The following STPG2 variants were observed in gnomAD, a reference collection of about 807,000 sequenced individuals.
The protein encoded by STPG2 is sperm-tail PG-rich repeat-containing protein 2.
STPG2 carries 56 observed loss-of-function variants against 54.2 expected under a neutral mutation model. The observed-to-expected ratio is 1.03, with a 90% confidence interval of 0.83 to 1.29. STPG2 has a LOEUF of 1.29. Ranked by LOEUF, STPG2 falls within the 50% of genes most tolerant of loss-of-function variation. The pLI is 0.00. For synonymous variants in STPG2, 200 were observed against 181.8 expected (o/e 1.10, Z -0.81); for missense variants, 596 against 544.9 (o/e 1.09, Z -0.93).
chr4:97,711,770 A>G (rs760385747), intron 10 of STPG2, among the ~76,000 whole-genome samples: 1 of 151,138 alleles, frequency 6.6e-6, no homozygotes, highest in Non-Finnish European at 1.5e-5. Flanking sequence ...CCCAGATCCA[A>G]GCGATTCTCC....
intron 2 of STPG2, among the ~76,000 whole-genome samples, chr4:98,133,866 A>C (rs1377764169): frequency 6.6e-6 from 1 of 152,052 alleles, no homozygotes; most frequent in African/African-American, 2.4e-5. Context: ...TGAAGATATC[A>C]GAGTTATATC....
At chr4:97,634,721 A>C (rs1560695471) in intron 10 of STPG2, among the ~76,000 whole-genome samples, 1 of 152,156 alleles carries the variant, frequency 6.6e-6, no homozygotes, top group Non-Finnish European at 1.5e-5. Flanking sequence ...GATGCAATCA[A>C]CTGGAAGAAA....
chr4:97,974,060 A>C (rs1418513645), intron 6 of STPG2, among the ~76,000 whole-genome samples: 1 of 152,202 alleles, frequency 6.6e-6, no homozygotes, highest in Non-Finnish European at 1.5e-5. Flanking sequence ...GGGAGGCTGT[A>C]TCCTGCAAAG....
intron 7 of STPG2, among the ~76,000 whole-genome samples, chr4:97,962,479 A>G (rs1229652049): frequency 6.6e-6 from 1 of 152,248 alleles, no homozygotes; most frequent in Non-Finnish European, 1.5e-5. Flanking sequence ...ACTGCAATTA[A>G]ACACAAGGTT....
intron 4 of STPG2, among the ~76,000 whole-genome samples, chr4:97,542,438 T>C (rs1731735717): frequency 2.0e-5 from 3 of 152,132 alleles, no homozygotes; most frequent in African/African-American, 7.2e-5. Flanking sequence ...TCACACCAGT[T>C]AGAACTGCGA....
At chr4:97,632,856 A>C (rs1721336932) in intron 10 of STPG2, among the ~76,000 whole-genome samples, 1 of 152,210 alleles carries the variant, frequency 6.6e-6, no homozygotes, top group African/African-American at 2.4e-5. Flanking sequence ...TTAGAAGCTT[A>C]TTAACATGAC....
intron 10 of STPG2, among the ~76,000 whole-genome samples, chr4:97,575,388 C>T (rs1029585442): frequency 1.3e-5 from 2 of 152,038 alleles, no homozygotes; most frequent in African/African-American, 4.8e-5. Context: ...TACTAGCAAA[C>T]CAAATCCAGC....
At chr4:97,497,246 A>C (rs1210097920) in intron 4 of STPG2, among the ~76,000 whole-genome samples, 3 of 151,826 alleles carry the variant, frequency 2.0e-5, no homozygotes, top group Non-Finnish European at 2.9e-5. Context: ...TAATTAGCAA[A>C]ACTCTTGATT....
chr4:98,060,598 G>A (rs10011009), intron 5 of STPG2, among the ~76,000 whole-genome samples: 59,298 of 151,908 alleles, frequency 0.39, 11,785 homozygotes, highest in Middle Eastern at 0.46. Context: ...ACAAGAGCCC[G>A]AATAGCCAAG....
At chr4:97,738,931 C>G (rs959294617) in intron 9 of STPG2, among the ~76,000 whole-genome samples, 1 of 152,182 alleles carries the variant, frequency 6.6e-6, no homozygotes, top group East Asian at 1.9e-4. Flanking sequence ...CACCGCACCA[C>G]ACCTATTCCA....
At chr4:97,812,577 A>G (rs1377482683) in intron 9 of STPG2, among the ~76,000 whole-genome samples, 1 of 152,154 alleles carries the variant, frequency 6.6e-6, no homozygotes, top group African/African-American at 2.4e-5. Context: ...AATTGATTTG[A>G]TTTTGAAAGT....
chr4:98,047,114 T>C (rs116389570), intron 5 of STPG2, among the ~76,000 whole-genome samples: 2,085 of 152,006 alleles, frequency 0.014, 51 homozygotes, highest in African/African-American at 0.047. Flanking sequence ...CCACTAGAAA[T>C]GTTCACACAT....
chr4:97,652,230 T>A (rs1047176469), intron 10 of STPG2, among the ~76,000 whole-genome samples: 1 of 151,930 alleles, frequency 6.6e-6, no homozygotes, highest in East Asian at 1.9e-4. Context: ...GAAAAGACAG[T>A]TAAAAGTGCT....
intron 10 of STPG2, among the ~76,000 whole-genome samples, chr4:97,567,559 T>A (rs969892811): frequency 1.3e-5 from 2 of 151,652 alleles, no homozygotes; most frequent in Admixed American, 6.6e-5. Context: ...GGCTATTAAT[T>A]TCAGCAATAT....
chr4:97,948,473 T>C lies in STPG2; in HGVS notation c.934-4466A>G, dbSNP rs1053484643. 2.6e-5 allele frequency among the ~76,000 whole-genome samples: 4 copies of C among 152,112 alleles called. No individual in the cohort carries two copies. The East Asian group carries it at 7.7e-4, about 29-fold the overall frequency. ...TTCTTCTAGATTTGGGCTTAGTTTG[T>C]TCTTGTTTCTCTTATTCTTTGAGGT... On this transcript the variant is annotated intron_variant, in intron 7 of 10. Transcript: ENST00000295268.
At chr4:97,564,756 G>T (rs912925302) in intron 10 of STPG2, among the ~76,000 whole-genome samples, 4 of 152,230 alleles carry the variant, frequency 2.6e-5, no homozygotes, top group Non-Finnish European at 5.9e-5. Flanking sequence ...ATGTTGAATA[G>T]TGGCCCTCAC....
chr4:97,801,761 G>A (rs920539055), intron 9 of STPG2, among the ~76,000 whole-genome samples: 2 of 151,996 alleles, frequency 1.3e-5, no homozygotes, highest in Admixed American at 1.3e-4. Flanking sequence ...AGCATAGCAG[G>A]CCATGACCCA....
intron 4 of STPG2, among the ~76,000 whole-genome samples, chr4:97,459,492 T>A (rs1176066391): frequency 6.8e-6 from 1 of 146,846 alleles, no homozygotes; most frequent in Non-Finnish European, 1.5e-5. Context: ...CAGGCTGGAG[T>A]GCAGTGGCGT....
chr4:97,891,890 G>A (rs1056800589), intron 8 of STPG2, among the ~76,000 whole-genome samples: 1 of 152,030 alleles, frequency 6.6e-6, no homozygotes, highest in Non-Finnish European at 1.5e-5. Context: ...ACTCCATGAA[G>A]TCAGAAACCA....
Sources: allele counts gnomAD v4.1 joint callset (sites outside exome capture counted in the v4.1 genomes callset), GRCh38; gene constraint gnomAD v4.1.1; transcripts MANE v1.5; gene names NCBI Gene and HGNC (gene_info 2026-07-23, HGNC 2026-07-21).